The following BTBD17 variants were observed in gnomAD, a reference collection of about 807,000 sequenced individuals.
BTBD17 encodes the protein BTB/POZ domain-containing protein 17.
Under a neutral mutation model 36.9 loss-of-function variants are expected in BTBD17, and 26 were observed. That is an observed-to-expected ratio of 0.70 (90% CI 0.52 to 0.98). The LOEUF (loss-of-function observed/expected upper bound fraction) is 0.98. Among genes scored for constraint, BTBD17 ranks in the 50% least tolerant of loss-of-function variants. BTBD17 has a pLI of 0.00. For missense variants in BTBD17, 630 were observed against 691.3 expected (o/e 0.91, Z 0.99); for synonymous variants, 341 against 338.0 (o/e 1.01, Z -0.10).
Position 74,357,079 on chromosome 17 carries a change from A to G in BTBD17, c.1015T>C (p.Phe339Leu), listed in dbSNP as rs764379479. The G allele has an allele frequency of 6.5e-7, 1 of 1,534,138 alleles. No individual in the cohort carries two copies. The highest frequency in any genetic ancestry group is 1.2e-5 in the South Asian group (1 of 82,384). ...CCACTCGGGCCCAGCTGCGTCTGGA[A>G]GCTGGTGCTGCGGTCGTCGCGGGCC... ...NPARDDRSTSFQTQLGPSGHD... is the reference protein window; with the variant it reads ...NPARDDRSTSLQTQLGPSGHD... Residue 339 changes from phenylalanine to leucine, a missense_variant, in exon 3 of 3, where the codon TTC (phenylalanine) becomes CTC (leucine). Physicochemically the swap from Phe to Leu is conservative, Grantham distance 22. Transcript: ENST00000375366. The surrounding 1 kb of genome is among the most constrained non-coding windows in gnomAD (Gnocchi z 8.4).
Position 74,357,520 on chromosome 17 carries a change from G to A in BTBD17, c.574C>T (p.Leu192=). ...EALRESCLQF[L]AWNLSAVAAS... ...GCCACGGCCGACAGGTTCCAGGCCA[G>A]GAACTGCAGGCAGCTCTCGCGCAGG... The change falls in exon 3 of 3, where the codon CTG becomes TTG. Residue 192 remains leucine (L), a synonymous_variant. Transcript: ENST00000375366. The surrounding 1 kb of genome is among the most constrained non-coding windows in gnomAD (Gnocchi z 8.4). The A allele has an allele frequency of 6.4e-7, 1 of 1,562,684 alleles. No individual in the cohort carries two copies. Among genetic ancestry groups the A allele is most frequent in the Non-Finnish European group, 8.6e-7 (1 of 1,161,544 alleles).
In BTBD17 at chr17:74,357,331, T is replaced by C. The variant is rs1433351750; in HGVS notation, c.763A>G (p.Ile255Val). 6.4e-7 allele frequency: 1 copy of C among 1,554,862 alleles called. No homozygotes were observed. Among genetic ancestry groups the C allele is most frequent in the African/African-American group, 1.4e-5 (1 of 72,322 alleles). Residue 255 changes from isoleucine to valine, a missense_variant, in exon 3 of 3, where the codon ATA becomes GTA. Physicochemically the swap from Ile to Val is conservative, Grantham distance 29. Coordinates refer to ENST00000375366, the MANE Select transcript of BTBD17 (RefSeq NM_001080466.2). The surrounding 1 kb of genome is among the most constrained non-coding windows in gnomAD (Gnocchi z 8.4). ...PAVAERALRAIRYPMIPPAQL... is the reference protein window; with the variant it reads ...PAVAERALRAVRYPMIPPAQL... Reference sequence around the variant, plus strand: ...GCCGGTGGGATCATGGGGTAGCGTATGGCGCGCAGCGCCCGCTCGGCCACG... The same window carrying C: ...GCCGGTGGGATCATGGGGTAGCGTACGGCGCGCAGCGCCCGCTCGGCCACG...
At chr17:74,361,376 CTG>C (rs1261912169) in intron 1 of BTBD17, among the ~76,000 whole-genome samples, 1 of 152,182 alleles carries the variant, frequency 6.6e-6, no homozygotes, top group Non-Finnish European at 1.5e-5. Context: ...AGCAGAGCAT[CTG>C]TGCATGAGAG....
At chr17:74,359,793 C>T (rs936796792) in intron 2 of BTBD17, among the ~76,000 whole-genome samples, 176 bp downstream of exon 2, 1 of 152,170 alleles carries the variant, frequency 6.6e-6, no homozygotes, top group African/African-American at 2.4e-5. Flanking sequence ...ATGACACGGG[C>T]AAAGACAGGG....
intron 1 of BTBD17, among the ~76,000 whole-genome samples, chr17:74,360,909 A>G (rs2054933733): frequency 6.6e-6 from 1 of 152,104 alleles, no homozygotes; most frequent in Admixed American, 6.5e-5. Flanking sequence ...GGGTACTGGG[A>G]GCAGAGAGAG....
rs1436748492 is a variant in BTBD17, at chr17:74,358,879, ATG to A, written c.362+1088_362+1089del. Among the ~76,000 whole-genome samples, 3 of 152,208 alleles carry A rather than the reference ATG, an allele frequency of 2.0e-5. No individual in the cohort carries two copies. In the East Asian group the frequency reaches 5.8e-4, roughly 29 times the overall value. ...AGGCTCCCTCATTCTGGCCTTGGCCATGTGACTAACTGCTGGTCAATGGGCGC... is the reference window on the plus strand; with the variant it reads ...AGGCTCCCTCATTCTGGCCTTGGCCATGACTAACTGCTGGTCAATGGGCGC... On this transcript the variant is annotated intron_variant, in intron 2 of 2. Transcript: ENST00000375366.
intron 1 of BTBD17, 53 bp downstream of exon 1, chr17:74,361,682 T>G: frequency 6.7e-7 from 1 of 1,502,654 alleles, no homozygotes; most frequent in Non-Finnish European, 9.2e-7. Context: ...CAGCCAGGGC[T>G]GGGACGACCT....
chr17:74,362,965 C>CGTGTGT (rs112779081), upstream of BTBD17, among the ~76,000 whole-genome samples: 19,025 of 145,590 alleles, frequency 0.13, 1,371 homozygotes, highest in Middle Eastern at 0.24. Context: ...AGCGCGCGCG[C>CGTGTGT]ATGTGTGTGT....
chr17:74,357,456 A>G lies in BTBD17; in HGVS notation c.638T>C (p.Leu213Pro). The change falls in exon 3 of 3, where the codon CTC (leucine) becomes CCC (proline). Residue 213 changes from leucine (L) to proline (P), a missense_variant. By Grantham distance (98) the Leu-to-Pro change is moderately conservative (BLOSUM62 -3). Coordinates refer to ENST00000375366, the MANE Select transcript of BTBD17 (RefSeq NM_001080466.2). The surrounding 1 kb of genome is among the most constrained non-coding windows in gnomAD (Gnocchi z 8.4). Reference sequence around the variant, plus strand: ...GTCCGAGCGTTGCAGGAGCTGCCAGAGCAGCTCGGGGCTCACGGCGCCCCA... The same window carrying G: ...GTCCGAGCGTTGCAGGAGCTGCCAGGGCAGCTCGGGGCTCACGGCGCCCCA... ...TEWGAVSPEL[L>P]WQLLQRSDLV... The G allele has an allele frequency of 6.3e-7, 1 of 1,580,894 alleles. No homozygotes were observed. The highest frequency in any genetic ancestry group is 8.5e-7 in the Non-Finnish European group (1 of 1,172,040).
chr17:74,357,405 A>AGT lies in BTBD17; in HGVS notation c.688_689insAC (p.Leu230HisfsTer31). On this transcript the variant is annotated frameshift_variant, in exon 3 of 3. Coordinates refer to ENST00000375366, the MANE Select transcript of BTBD17 (RefSeq NM_001080466.2). LOFTEE classifies it high-confidence loss of function. This position sits in a 1 kb window ranked among gnomAD's most constrained non-coding sequence, Gnocchi z 8.4. ...CAGCCAGGCCTCCAGCGCGTGGAAC[A>AGT]GCTCCAGTTCATCCTGCAGCACCAG... 6.3e-7 allele frequency: 1 copy of AGT among 1,579,454 alleles called. No homozygotes were observed. The highest frequency in any genetic ancestry group is 8.5e-7 in the Non-Finnish European group (1 of 1,171,420).
Position 74,356,813 on chromosome 17 carries a change from G to T in BTBD17, c.1281C>A (p.His427Gln). Residue 427 changes from histidine (H) to glutamine (Q), a missense_variant, in exon 3 of 3, where the codon CAC becomes CAA. His to Gln is a conservative substitution (Grantham distance 24, BLOSUM62 0). Coordinates refer to ENST00000375366, the MANE Select transcript of BTBD17 (RefSeq NM_001080466.2). This position sits in a 1 kb window ranked among gnomAD's most constrained non-coding sequence, Gnocchi z 4.3. ...CGCTGCTCTGGTGGAAGCTGTAGGCGTGGCGGACCAGCAGGCGGCCCTGCT... is the reference window on the plus strand; with the variant it reads ...CGCTGCTCTGGTGGAAGCTGTAGGCTTGGCGGACCAGCAGGCGGCCCTGCT... ...ARQQGRLLVRHAYSFHQSSEE... is the reference protein window; with the variant it reads ...ARQQGRLLVRQAYSFHQSSEE... 1.3e-6 allele frequency: 2 copies of T among 1,587,590 alleles called. No homozygotes were observed. The highest frequency in any genetic ancestry group is 1.7e-6 in the Non-Finnish European group (2 of 1,170,178).
rs760839363 is a variant in BTBD17 at position 74,357,167 on chromosome 17, G to A, written c.927C>T (p.Ser309=). The A allele has an allele frequency of 1.3e-6, 2 of 1,546,684 alleles. No homozygotes were observed. The highest frequency in any genetic ancestry group is 8.7e-7 in the Non-Finnish European group (1 of 1,152,054). The part of the protein sequence containing the change: ...HYAKFFDVNG[S]AFLPRNYLAP... ...CGAGGTAGTTGCGGGGCAGGAAGGC[G>A]CTGCCGTTGACGTCGAAGAACTTGG... The change falls in exon 3 of 3, where the codon AGC becomes AGT. Residue 309 remains serine (S), a synonymous_variant. Transcript: ENST00000375366. This position sits in a 1 kb window ranked among gnomAD's most constrained non-coding sequence, Gnocchi z 8.4.
intron 1 of BTBD17, among the ~76,000 whole-genome samples, chr17:74,360,644 A>G (rs947910991): frequency 6.6e-6 from 1 of 152,208 alleles, no homozygotes; most frequent in Non-Finnish European, 1.5e-5. Flanking sequence ...AACCCCTTGG[A>G]GCAGTAGTCA....
chr17:74,362,028 C>T (rs754879373), upstream of BTBD17: 2 of 542,514 alleles, frequency 3.7e-6, no homozygotes, highest in South Asian at 2.2e-5. Context: ...GAGCGGCAGC[C>T]CCGGGGGCTA....
chr17:74,356,904 G>C lies in BTBD17; in HGVS notation c.1190C>G (p.Pro397Arg). ...CGCCGCGTCGCCGCCGCTGCTGGCCGGCGTCACCACCAGCCGCGGTCGGCC... is the reference window on the plus strand; with the variant it reads ...CGCCGCGTCGCCGCCGCTGCTGGCCCGCGTCACCACCAGCCGCGGTCGGCC... ...EDGRPRLVVT[P>R]ASSGGDAAGV... The change falls in exon 3 of 3, where the codon CCG becomes CGG. Residue 397 changes from proline (P) to arginine (R), a missense_variant. Physicochemically the swap from Pro to Arg is moderately radical, Grantham distance 103. Transcript: ENST00000375366. The surrounding 1 kb of genome is among the most constrained non-coding windows in gnomAD (Gnocchi z 4.3). 1 of 1,461,094 alleles carries C rather than the reference G, an allele frequency of 6.8e-7. No individual in the cohort carries two copies. The highest frequency in any genetic ancestry group is 1.4e-5 in the South Asian group (1 of 74,010). 90.5% of individuals were successfully genotyped at this position (1,461,094 alleles called of 1,614,324 possible). A position where few individuals can be genotyped will look rare whatever the true frequency, so the allele number is the denominator to read the frequency against.
chr17:74,361,076 G>A lies in BTBD17; in HGVS notation c.85+659C>T, dbSNP rs1346897849. 2.0e-5 allele frequency among the ~76,000 whole-genome samples: 3 copies of A among 152,234 alleles called. No individual in the cohort carries two copies. The South Asian group carries it at 6.2e-4, about 31-fold the overall frequency. ...TTCTGGGGTGGCCAGCAGGGGACAG[G>A]AGAAAGTGCGAAGGGCCAGCTGGTG... On this transcript the variant is annotated intron_variant, in intron 1 of 2. Coordinates refer to ENST00000375366, the MANE Select transcript of BTBD17 (RefSeq NM_001080466.2).
Position 74,357,157 on chromosome 17 carries a change from G to A in BTBD17, c.937C>T (p.Pro313Ser). ...CAGGCGGGCGCGAGGTAGTTGCGGG[G>A]CAGGAAGGCGCTGCCGTTGACGTCG... ...FFDVNGSAFL[P>S]RNYLAPAWGA... Residue 313 changes from proline (P) to serine (S), a missense_variant, in exon 3 of 3, where the codon CCC becomes TCC. Transcript: ENST00000375366. This position sits in a 1 kb window ranked among gnomAD's most constrained non-coding sequence, Gnocchi z 8.4. The A allele has an allele frequency of 6.5e-7, 1 of 1,542,006 alleles. No individual in the cohort carries two copies. Among genetic ancestry groups the A allele is most frequent in the Non-Finnish European group, 8.7e-7 (1 of 1,150,068 alleles).
At chr17:74,359,919 C>A in intron 2 of BTBD17, 50 bp downstream of exon 2, 2 of 1,568,852 alleles carry the variant, frequency 1.3e-6, no homozygotes, top group South Asian at 1.2e-5. Context: ...GTGGAGGAGC[C>A]GGGGGCTGAG....
chr17:74,357,156 G>C lies in BTBD17; in HGVS notation c.938C>G (p.Pro313Arg). 1 of 1,541,958 alleles carries C rather than the reference G, an allele frequency of 6.5e-7. No individual in the cohort carries two copies. Among genetic ancestry groups the C allele is most frequent in the Non-Finnish European group, 8.7e-7 (1 of 1,150,118 alleles). Residue 313 changes from proline to arginine, a missense_variant, in exon 3 of 3, where the codon CCC (proline) becomes CGC (arginine). Pro to Arg is a moderately radical substitution (Grantham distance 103). Coordinates refer to ENST00000375366, the MANE Select transcript of BTBD17 (RefSeq NM_001080466.2). The surrounding 1 kb of genome is among the most constrained non-coding windows in gnomAD (Gnocchi z 8.4). ...FFDVNGSAFL[P>R]RNYLAPAWGA... is the part of the protein sequence containing the mutation. The stretch of plus-strand genomic sequence containing the variant: ...CCAGGCGGGCGCGAGGTAGTTGCGG[G>C]GCAGGAAGGCGCTGCCGTTGACGTC...
Sources: gnomAD v4.1 joint callset for allele counts (sites outside exome capture counted in the v4.1 genomes callset) on GRCh38, gnomAD v4.1.1 for gene constraint, Gnocchi (gnomAD v3.1) non-coding constraint, MANE v1.5 for transcripts, NCBI Gene and HGNC (gene_info 2026-07-23, HGNC 2026-07-21) for gene names.